Variants in NPC1 observed in about 807,000 individuals in gnomAD.
NPC1 encodes Niemann-Pick C1 protein.
A neutral mutation model predicts 140.4 loss-of-function variants in NPC1; 85 were observed. The observed-to-expected ratio is 0.61, with a 90% CI of 0.51 to 0.72. The LOEUF (loss-of-function observed/expected upper bound fraction) is 0.72, where lower values mean the gene tolerates loss of function less well. Among genes scored for constraint, NPC1 ranks in the 30% least tolerant of loss-of-function variants. NPC1 has a pLI of 0.00. For synonymous variants in NPC1, 656 were observed against 624.8 expected, an observed-to-expected ratio of 1.05 and a Z score of -0.74; for missense variants, 1,504 against 1,623.8, an observed-to-expected ratio of 0.93 and a Z score of 1.27.
intron 6 of NPC1, among the ~76,000 whole-genome samples, chr18:23,557,861 G>A (rs1293774929): frequency 6.6e-6 from 1 of 152,180 alleles, no homozygotes; most frequent in Non-Finnish European, 1.5e-5. Context: ...GCTCCTTGCA[G>A]GGCAGGGACA....
chr18:23,561,431 G>C lies in NPC1; in HGVS notation c.560C>G (p.Thr187Ser). The change falls in exon 5 of 25, where the codon ACC becomes AGC. Residue 187 changes from threonine to serine, a missense_variant. Physicochemically the swap from Thr to Ser is moderately conservative, Grantham distance 58 (BLOSUM62 1). Coordinates refer to ENST00000269228, the MANE Select transcript of NPC1 (RefSeq NM_000271.5). ...ATTGAACATGTATTCAATCCAGTTG[G>C]TGGCATTACAGGCGTCAGCGTCCTT... ...CGKDADACNA[T>S]NWIEYMFNKD... is the part of the protein sequence containing the mutation. The C allele has an allele frequency of 6.2e-7, 1 of 1,614,166 alleles. No homozygotes were observed. The highest frequency in any genetic ancestry group is 1.1e-5 in the South Asian group (1 of 91,078).
chr18:23,514,202 G>C (rs2057937236), intron 3 of NPC1, among the ~76,000 whole-genome samples: 1 of 152,224 alleles, frequency 6.6e-6, no homozygotes, highest in Admixed American at 6.5e-5. Context: ...GTGCTTTGCT[G>C]TAAGGCCATC....
At chr18:23,578,559 T>C (rs2059320108) in intron 1 of NPC1, among the ~76,000 whole-genome samples, 1 of 152,010 alleles carries the variant, frequency 6.6e-6, no homozygotes, top group Admixed American at 6.5e-5. Flanking sequence ...CTGCAGCTGC[T>C]CCACCTCAGG....
intron 3 of NPC1, among the ~76,000 whole-genome samples, chr18:23,512,245 C>A (rs1472495897): frequency 1.3e-5 from 2 of 151,738 alleles, no homozygotes; most frequent in Non-Finnish European, 2.9e-5. Flanking sequence ...GGTCTTGAAC[C>A]CCTGGCCTCA....
chr18:23,539,605 T>G, intron 18 of NPC1, 135 bp from the exon 19 acceptor site: 1 of 793,170 alleles, frequency 1.3e-6, no homozygotes, highest in Non-Finnish European at 2.1e-6. Context: ...ACATGAGCAC[T>G]TAATGAAAAA....
chr18:23,584,421 T>C (rs2059391297), intron 1 of NPC1, among the ~76,000 whole-genome samples: 1 of 152,198 alleles, frequency 6.6e-6, no homozygotes, highest in Non-Finnish European at 1.5e-5. Context: ...TATTTCCAGT[T>C]AAGGTTTACA....
rs370106510 is a variant in NPC1, at chr18:23,535,438, A to G, written c.3477+31T>C. On this transcript the variant is annotated intron_variant, in intron 22 of 24. Transcript: ENST00000269228. ...AATTCCCCCAAGTGAAACAGGAGCTAGGGACAAACTGAGACTGTATGAGGA... is the reference window on the plus strand; with the variant it reads ...AATTCCCCCAAGTGAAACAGGAGCTGGGGACAAACTGAGACTGTATGAGGA... The G allele has an allele frequency of 3.3e-5, 48 of 1,468,502 alleles. No individual in the cohort carries two copies. In the African/African-American group the frequency reaches 5.7e-4, roughly 17 times the overall value. 91.0% of individuals were successfully genotyped at this position (1,468,502 alleles called of 1,614,324 possible).
rs1160138710 is a variant in NPC1 at position 23,509,937 on chromosome 18, C to A, written c.432-3295G>T. On this transcript the variant is annotated intron_variant, in intron 3 of 3. Coordinates refer to the NPC1 transcript ENST00000591107. ...GCTGGTGTCAAACTCCTAACCTCAA[C>A]TCCTGCCTTGGCCACTCAGCTTTAG... Among the ~76,000 whole-genome samples, 4 of 151,060 alleles carry A rather than the reference C, an allele frequency of 2.6e-5. 1 individual carries two copies. In the East Asian group the frequency reaches 7.8e-4, roughly 29 times the overall value.
At chr18:23,522,391 G>A (rs2058165964) in exon 2 of NPC1, 1 of 152,170 alleles carries the variant, frequency 6.6e-6, no homozygotes, top group East Asian at 1.9e-4. Context: ...TCCAACCCAC[G>A]GTCTGTGGGC....
downstream of NPC1, chr18:23,527,721 C>T (rs2058347711): frequency 1.6e-5 from 19 of 1,159,726 alleles, no homozygotes; most frequent in Non-Finnish European, 2.3e-5. Flanking sequence ...TAGTTTTTAT[C>T]ATAGCAACGT....
At chr18:23,548,176 G>A (rs2058815528) in intron 10 of NPC1, 68 bp from the exon 11 acceptor site, 3 of 894,242 alleles carry the variant, frequency 3.4e-6, no homozygotes, top group Admixed American at 3.4e-5. Flanking sequence ...ACATACCAGG[G>A]GAAAAATCAC....
At position 23,556,501 on chromosome 18, in the gene NPC1, G is replaced by A. The variant is rs752521740; in HGVS notation, c.1068C>T (p.Phe356=). 5.6e-6 allele frequency: 9 copies of A among 1,614,070 alleles called. No individual in the cohort carries two copies. In the South Asian group the frequency reaches 6.6e-5, roughly 12 times the overall value. Reference sequence around the variant, plus strand: ...AACACGCAGTAATGAAGACCAGCGAGAAGAAAATGACACAGCCAGGGTTTC... The same window carrying A: ...AACACGCAGTAATGAAGACCAGCGAAAAGAAAATGACACAGCCAGGGTTTC... The part of the protein sequence containing the change: ...CVRNPGCVIF[F]SLVFITACSS... Residue 356 remains phenylalanine (F), a synonymous_variant, in exon 8 of 25, where the codon TTC becomes TTT. Coordinates refer to ENST00000269228, the MANE Select transcript of NPC1 (RefSeq NM_000271.5).
chr18:23,524,643 A>AT (rs2058240717), downstream of NPC1, among the ~76,000 whole-genome samples: 1 of 151,494 alleles, frequency 6.6e-6, no homozygotes, highest in Non-Finnish European at 1.5e-5. Flanking sequence ...GTTTTTTACT[A>AT]TATGTGCATT....
intron 4 of NPC1, among the ~76,000 whole-genome samples, chr18:23,566,422 G>A (rs536369527): frequency 5.3e-5 from 8 of 151,882 alleles, no homozygotes; most frequent in African/African-American, 1.7e-4. Context: ...AACTGGCTAT[G>A]GCATAATTTA....
chr18:23,586,312 A>T lies in NPC1; in HGVS notation c.32T>A (p.Leu11His). MTARGLALGL[L>H]LLLLCPAQVF... ...CTGCGCTGGACACAGTAGCAGCAGG[A>T]GGAGGCCAAGGGCCAGGCCGCGAGC... is the stretch of plus-strand genomic sequence containing the variant. The change falls in exon 1 of 25, where the codon CTC (leucine) becomes CAC (histidine). Residue 11 changes from leucine (L) to histidine (H), a missense_variant. Leu to His is a moderately conservative substitution (Grantham distance 99, BLOSUM62 -3). Coordinates refer to ENST00000269228, the MANE Select transcript of NPC1 (RefSeq NM_000271.5). 2.0e-6 allele frequency: 3 copies of T among 1,534,112 alleles called. No individual in the cohort carries two copies. The highest frequency in any genetic ancestry group is 2.6e-6 in the Non-Finnish European group (3 of 1,146,294).
intron 1 of NPC1, chr18:23,524,277 A>G: frequency 5.3e-6 from 8 of 1,512,998 alleles, no homozygotes; most frequent in Non-Finnish European, 7.3e-6. Context: ...TAACACTCCG[A>G]GAGCCACCCC....
intron 16 of NPC1, 74 bp from the exon 17 acceptor site, chr18:23,540,611 C>T: frequency 2.7e-6 from 3 of 1,123,904 alleles, no homozygotes; most frequent in African/African-American, 1.5e-5. Context: ...AAATCTTAAG[C>T]ACACACAAAA....
Position 23,533,473 on chromosome 18 carries a change from C to T in NPC1, c.3636G>A (p.Val1212=), listed in dbSNP as rs1424047315. The T allele has an allele frequency of 6.2e-7, 1 of 1,614,262 alleles. No individual in the cohort carries two copies. The highest frequency in any genetic ancestry group is 1.7e-5 in the Admixed American group (1 of 60,032). Reference sequence around the variant, plus strand: ...AAATTTGAGATTTGGCAAAAGCCAACACCACAATCCCTCCAAATTTTGTAA... The same window carrying T: ...AAATTTGAGATTTGGCAAAAGCCAATACCACAATCCCTCCAAATTTTGTAA... The part of the protein sequence containing the change: ...ITLTKFGGIV[V]LAFAKSQIFQ... Residue 1212 remains valine, a synonymous_variant, in exon 24 of 25, where the codon GTG becomes GTA. Coordinates refer to ENST00000269228, the MANE Select transcript of NPC1 (RefSeq NM_000271.5).
chr18:23,573,425 T>C, intron 2 of NPC1, 27 bp downstream of exon 2: 1 of 1,614,060 alleles, frequency 6.2e-7, no homozygotes, highest in Non-Finnish European at 8.5e-7. Flanking sequence ...CATTTTGTGT[T>C]CCCAGTGCCT....
Sources: allele counts gnomAD v4.1 joint callset (sites outside exome capture counted in the v4.1 genomes callset), GRCh38; gene constraint gnomAD v4.1.1; transcripts MANE v1.5; gene names NCBI Gene and HGNC (gene_info 2026-07-23, HGNC 2026-07-21).